Variants in ZNF679 observed in about 807,000 individuals in gnomAD.
ZNF679 encodes zinc finger protein 679.
ZNF679 carries 10 observed loss-of-function variants against 13.4 expected under a neutral mutation model. That is an observed-to-expected ratio of 0.75 (90% CI 0.46 to 1.27). The LOEUF is 1.27. ZNF679 is among the 50% of genes most tolerant of loss of function. ZNF679 has a pLI of 0.00. For synonymous variants in ZNF679, 179 were observed against 162.5 expected, an observed-to-expected ratio of 1.10 and a Z score of -0.77; for missense variants, 525 against 477.8, an observed-to-expected ratio of 1.10 and a Z score of -0.92.
chr7:64,237,001 A>AAGAAAGAAAG (rs149813028), intron 1 of ZNF679, among the ~76,000 whole-genome samples: 1 of 77,840 alleles, frequency 1.3e-5, no homozygotes, highest in African/African-American at 8.2e-5. Flanking sequence ...GAAAGAAAGA[A>AAGAAAGAAAG]AAAGAAAGAA....
At chr7:64,242,980 G>A (rs372534992) in intron 1 of ZNF679, among the ~76,000 whole-genome samples, 2 of 152,128 alleles carry the variant, frequency 1.3e-5, no homozygotes, top group African/African-American at 2.4e-5. Context: ...TCATATGAGA[G>A]TCAGGACCTC....
chr7:64,265,044 A>T (rs1290270762), intron 4 of ZNF679, among the ~76,000 whole-genome samples: 1 of 151,814 alleles, frequency 6.6e-6, no homozygotes, highest in African/African-American at 2.4e-5. Context: ...GGATTATCTT[A>T]TGTTTTTAAA....
chr7:64,241,934 G>C (rs1787804167), intron 1 of ZNF679, among the ~76,000 whole-genome samples: 1 of 152,212 alleles, frequency 6.6e-6, no homozygotes, highest in Admixed American at 6.5e-5. Flanking sequence ...CTGCAGAAAG[G>C]TTTAAGGATA....
intron 3 of ZNF679, 21 bp from the exon 4 acceptor site, chr7:64,260,813 T>C: frequency 1.3e-6 from 2 of 1,584,030 alleles, no homozygotes; most frequent in Non-Finnish European, 8.6e-7. Flanking sequence ...TTTATGTTAC[T>C]TTTTTTTCTT....
intron 1 of ZNF679, among the ~76,000 whole-genome samples, chr7:64,235,296 A>G (rs1005553023): frequency 2.1e-5 from 3 of 140,578 alleles, no homozygotes; most frequent in Non-Finnish European, 3.2e-5. Context: ...TATTGACAAA[A>G]AAAGAAAATA....
intron 4 of ZNF679, among the ~76,000 whole-genome samples, chr7:64,263,716 C>CT (rs1214028791): frequency 1.3e-5 from 2 of 152,120 alleles, no homozygotes; most frequent in Non-Finnish European, 2.9e-5. Context: ...ATGTTTGGTT[C>CT]TTTTTTGCCT....
chr7:64,244,416 T>C (rs1467616825), intron 1 of ZNF679, among the ~76,000 whole-genome samples: 1 of 152,162 alleles, frequency 6.6e-6, no homozygotes, highest in African/African-American at 2.4e-5. Flanking sequence ...CAATAAGTTA[T>C]ATTTTTGTTT....
At chr7:64,236,442 G>T (rs541984159) in intron 1 of ZNF679, among the ~76,000 whole-genome samples, 26 of 151,036 alleles carry the variant, frequency 1.7e-4, no homozygotes, top group African/African-American at 5.9e-4. Context: ...GTAAAAGAGC[G>T]TTTGTGGGGG....
chr7:64,248,286 A>ATT (rs569032288), intron 1 of ZNF679, among the ~76,000 whole-genome samples: 16 of 144,844 alleles, frequency 1.1e-4, no homozygotes, highest in East Asian at 2.0e-4. Flanking sequence ...GGCAAATACA[A>ATT]TTTTTTTTTT....
Position 64,236,085 on chromosome 7 carries a change from T to A in ZNF679, c.-91+7433T>A, listed in dbSNP as rs371653130. Among the ~76,000 whole-genome samples, 45 of 151,960 alleles carry A rather than the reference T, an allele frequency of 3.0e-4. 1 individual carries two copies. Among genetic ancestry groups the A allele is most frequent in the East Asian group, 1.2e-3 (6 of 5,096 alleles). On this transcript the variant is annotated intron_variant, in intron 1 of 4. Transcript: ENST00000421025. The stretch of plus-strand genomic sequence containing the variant: ...TTCAAGACCAGCCTGACCAACATGG[T>A]GAAACCCTGTCTCTACTAAAAATAC...
chr7:64,261,860 CTT>C (rs57119054), intron 4 of ZNF679, among the ~76,000 whole-genome samples: 10 of 137,362 alleles, frequency 7.3e-5, no homozygotes, highest in Non-Finnish European at 7.8e-5. Flanking sequence ...TTCTTTCTTT[CTT>C]TTTTTTTTTT....
intron 1 of ZNF679, among the ~76,000 whole-genome samples, chr7:64,229,806 C>T (rs1209339970): frequency 1.3e-5 from 2 of 152,164 alleles, no homozygotes; most frequent in Admixed American, 6.5e-5. Context: ...AACAATTTCA[C>T]TTCAGAGTGT....
At chr7:64,263,125 T>C (rs191484120) in intron 4 of ZNF679, among the ~76,000 whole-genome samples, 1 of 152,248 alleles carries the variant, frequency 6.6e-6, no homozygotes, top group East Asian at 1.9e-4. Flanking sequence ...GGTTTCTCAC[T>C]CTGTTGCCCA....
intron 2 of ZNF679, among the ~76,000 whole-genome samples, chr7:64,258,860 T>C (rs76228913): frequency 1.3e-5 from 1 of 79,618 alleles, no homozygotes; most frequent in South Asian, 4.8e-4. Context: ...TGAAAAAAAA[T>C]TTTTCTATAT....
At chr7:64,243,261 T>C (rs1401521521) in intron 1 of ZNF679, among the ~76,000 whole-genome samples, 1 of 152,194 alleles carries the variant, frequency 6.6e-6, no homozygotes, top group Admixed American at 6.5e-5. Flanking sequence ...TCATTATACC[T>C]GTCAGCTGGG....
chr7:64,243,004 G>C (rs1284844970), intron 1 of ZNF679, among the ~76,000 whole-genome samples: 1 of 152,114 alleles, frequency 6.6e-6, no homozygotes, highest in South Asian at 2.1e-4. Flanking sequence ...AGTAAGTTTT[G>C]TCAATGTGTG....
In ZNF679 at chr7:64,266,270, C is replaced by T. The variant is rs756224188; in HGVS notation, c.637C>T (p.Gln213Ter). The T allele has an allele frequency of 6.3e-7, 1 of 1,593,120 alleles. No homozygotes were observed. The highest frequency in any genetic ancestry group is 2.3e-5 in the East Asian group (1 of 43,534). Residue 213 changes from glutamine (Q) to a stop codon, truncating the protein, a stop_gained, in exon 5 of 5, where the codon CAA becomes TAA. Coordinates refer to ENST00000421025, the MANE Select transcript of ZNF679 (RefSeq NM_153363.3). LOFTEE classifies it low-confidence loss of function (END_TRUNC). ...QIIHTRENSY[Q>*]CEECGKPFNC... ...AATTCATACTAGGGAGAATTCCTACCAATGTGAAGAATGCGGCAAACCCTT... is the reference window on the plus strand; with the variant it reads ...AATTCATACTAGGGAGAATTCCTACTAATGTGAAGAATGCGGCAAACCCTT...
rs751892617 is a variant in ZNF679, at chr7:64,265,935, T to C, written c.302T>C (p.Leu101Pro). ...SHFTQDLPPE[L>P]GIKDSLQKVI... ...TTCACCCAAGACCTTCCGCCAGAGC[T>C]AGGCATAAAAGATTCACTCCAAAAA... The change falls in exon 5 of 5, where the codon CTA becomes CCA. Residue 101 changes from leucine to proline, a missense_variant. Leu to Pro is a moderately conservative substitution (Grantham distance 98). Coordinates refer to ENST00000421025, the MANE Select transcript of ZNF679 (RefSeq NM_153363.3). The C allele has an allele frequency of 1.1e-5, 17 of 1,613,710 alleles. No individual in the cohort carries two copies. The highest frequency in any genetic ancestry group is 2.2e-5 in the East Asian group (1 of 44,866).
intron 4 of ZNF679, among the ~76,000 whole-genome samples, chr7:64,263,417 T>C (rs1202102736): frequency 6.6e-6 from 1 of 152,160 alleles, no homozygotes; most frequent in African/African-American, 2.4e-5. Flanking sequence ...CTAAGACCTA[T>C]GTATTCTAAC....
Sources: gnomAD v4.1 joint callset for allele counts (sites outside exome capture counted in the v4.1 genomes callset) on GRCh38, gnomAD v4.1.1 for gene constraint, MANE v1.5 for transcripts, NCBI Gene and HGNC (gene_info 2026-07-23, HGNC 2026-07-21) for gene names.